Variants in RGCC observed in about 807,000 individuals in gnomAD.
The protein encoded by RGCC is regulator of cell cycle RGCC.
Under a neutral mutation model 15.4 loss-of-function variants are expected in RGCC, and 15 were observed. That is an observed-to-expected ratio of 0.97 (90% CI 0.65 to 1.50). RGCC has a LOEUF of 1.50. Among genes scored for constraint, RGCC ranks in the 40% most tolerant of loss-of-function variants. The pLI, the probability that RGCC is intolerant of heterozygous loss-of-function variation, is 0.00. For missense variants in RGCC, 176 were observed against 189.7 expected, an observed-to-expected ratio of 0.93 and a Z score of 0.42; for synonymous variants, 81 against 78.0, an observed-to-expected ratio of 1.04 and a Z score of -0.20.
rs879196319 is a variant in RGCC, at chr13:41,466,749, C to T, written c.236-74C>T. ...ATTTTGAAGACAAATTGTTGGTTAT[C>T]AATAGACTATAAAGTGCTAAGTCTA... On this transcript the variant is annotated intron_variant, in intron 2 of 4. Coordinates refer to ENST00000379359, the MANE Select transcript of RGCC (RefSeq NM_014059.3). 7.7e-6 allele frequency: 8 copies of T among 1,042,236 alleles called. No individual in the cohort carries two copies. In the South Asian group the frequency reaches 9.4e-5, roughly 12 times the overall value. 64.6% of individuals were successfully genotyped at this position (1,042,236 alleles called of 1,614,324 possible). A position where few individuals can be genotyped will look rare whatever the true frequency, so the allele number is the denominator to read the frequency against.
chr13:41,463,527 G>A (rs184238937), intron 2 of RGCC, among the ~76,000 whole-genome samples: 1 of 148,906 alleles, frequency 6.7e-6, no homozygotes, highest in African/African-American at 2.5e-5. Context: ...GGGCGGGCAG[G>A]AGGAAGTGAG....
chr13:41,463,501 G>A (rs1254639032), intron 2 of RGCC, among the ~76,000 whole-genome samples: 2 of 138,642 alleles, frequency 1.4e-5, no homozygotes, highest in African/African-American at 5.4e-5. Flanking sequence ...GTGTGTGTGT[G>A]TGGTGGGCAG....
intron 3 of RGCC, among the ~76,000 whole-genome samples, chr13:41,467,139 G>C (rs2043853294): frequency 6.6e-6 from 1 of 152,080 alleles, no homozygotes; most frequent in Admixed American, 6.6e-5. Flanking sequence ...AGATAATTTG[G>C]GGCAGAAAAC....
intron 2 of RGCC, among the ~76,000 whole-genome samples, chr13:41,460,756 A>G (rs1227963974): frequency 6.6e-6 from 1 of 152,218 alleles, no homozygotes; most frequent in Non-Finnish European, 1.5e-5. Context: ...TCTGTTGAAT[A>G]CTTTCAAAAT....
chr13:41,460,577 T>A (rs894514789), intron 2 of RGCC, among the ~76,000 whole-genome samples: 24 of 152,350 alleles, frequency 1.6e-4, no homozygotes, highest in African/African-American at 5.3e-4. Flanking sequence ...TGTTTGTCAA[T>A]GATGGCTGTT....
intron 2 of RGCC, among the ~76,000 whole-genome samples, chr13:41,462,716 T>G (rs1370664173): frequency 2.6e-5 from 4 of 152,222 alleles, no homozygotes; most frequent in African/African-American, 9.6e-5. Flanking sequence ...GCTATTACTT[T>G]TGCAAGGAAT....
Position 41,457,848 on chromosome 13 carries a change from C to A in RGCC, c.49+92C>A, listed in dbSNP as rs1321078605. Reference sequence around the variant, plus strand: ...CCCCGTGTCGTCCCTTCACACCCCCCACCCTTCCATCCTCCCCGGCGGGAA... The same window carrying A: ...CCCCGTGTCGTCCCTTCACACCCCCAACCCTTCCATCCTCCCCGGCGGGAA... On this transcript the variant is annotated intron_variant, in intron 1 of 4. Coordinates refer to ENST00000379359, the MANE Select transcript of RGCC (RefSeq NM_014059.3). This position sits in a 1 kb window ranked among gnomAD's most constrained non-coding sequence, Gnocchi z 4.9. 21 of 1,342,200 alleles carry A rather than the reference C, an allele frequency of 1.6e-5. No individual in the cohort carries two copies. The highest frequency in any genetic ancestry group is 3.9e-5 in the Admixed American group (1 of 25,410). The allele number at this position is 1,342,200 out of a possible 1,614,324, so 83.1% of individuals were successfully genotyped here. A position where few individuals can be genotyped will look rare whatever the true frequency, so the allele number is the denominator to read the frequency against.
At chr13:41,462,924 G>A (rs892007089) in intron 2 of RGCC, among the ~76,000 whole-genome samples, 4 of 152,170 alleles carry the variant, frequency 2.6e-5, no homozygotes, top group African/African-American at 9.7e-5. Flanking sequence ...GTTCTAGGAT[G>A]CCACTGAAGA....
chr13:41,460,527 A>G (rs2139573442), intron 2 of RGCC, among the ~76,000 whole-genome samples: 1 of 152,358 alleles, frequency 6.6e-6, no homozygotes, highest in Non-Finnish European at 1.5e-5. Flanking sequence ...CCATGTCTTC[A>G]CGAATAGACT....
chr13:41,466,179 T>TCA (rs199905233), intron 2 of RGCC, among the ~76,000 whole-genome samples: 4 of 99,840 alleles, frequency 4.0e-5, no homozygotes, highest in Non-Finnish European at 1.0e-4. Flanking sequence ...ACACACTTTC[T>TCA]CACACACACA....
At chr13:41,462,981 G>T (rs1354381565) in intron 2 of RGCC, among the ~76,000 whole-genome samples, 1 of 152,174 alleles carries the variant, frequency 6.6e-6, no homozygotes, top group Admixed American at 6.5e-5. Flanking sequence ...GAAGAGGGAG[G>T]ATCTTGATTC....
intron 2 of RGCC, among the ~76,000 whole-genome samples, chr13:41,464,432 C>T (rs2043837644): frequency 6.6e-6 from 1 of 152,092 alleles, no homozygotes; most frequent in Non-Finnish European, 1.5e-5. Flanking sequence ...GAAAGGGCTT[C>T]CCTTGGGAGA....
chr13:41,466,237 TCACA>T (rs1004729327), intron 2 of RGCC, among the ~76,000 whole-genome samples: 12 of 148,706 alleles, frequency 8.1e-5, no homozygotes, highest in Admixed American at 4.7e-4. Context: ...ACACATATTC[TCACA>T]CACACCCACA....
Position 41,457,593 on chromosome 13 carries a change from A to T in RGCC, c.-115A>T. The T allele has an allele frequency of 7.0e-7, 1 of 1,422,242 alleles. No individual in the cohort carries two copies. Among genetic ancestry groups the T allele is most frequent in the South Asian group, 1.4e-5 (1 of 69,940 alleles). The allele number at this position is 1,422,242 out of a possible 1,614,324, so 88.1% of individuals were successfully genotyped here. ...GCTGGGAGCGGCGCGGCTGGAGCGC[A>T]GCGCCGAAGGGACTGGCAGGGCTGA... On this transcript the variant is annotated 5_prime_UTR_variant, in exon 1 of 5. Transcript: ENST00000379359. The surrounding 1 kb of genome is among the most constrained non-coding windows in gnomAD (Gnocchi z 4.9).
intron 3 of RGCC, 82 bp from the exon 4 acceptor site, chr13:41,468,694 A>G: frequency 9.6e-7 from 1 of 1,046,314 alleles, no homozygotes; most frequent in Non-Finnish European, 1.4e-6. Context: ...CTTCCTGGAA[A>G]ACTCAATATG....
chr13:41,467,965 A>G (rs1400308936), intron 3 of RGCC, among the ~76,000 whole-genome samples: 3 of 152,244 alleles, frequency 2.0e-5, no homozygotes, highest in Non-Finnish European at 4.4e-5. Context: ...AGCAGGTGTT[A>G]ATTAATAAAA....
chr13:41,463,765 A>G (rs1433762214), intron 2 of RGCC, among the ~76,000 whole-genome samples: 1 of 152,172 alleles, frequency 6.6e-6, no homozygotes, highest in Non-Finnish European at 1.5e-5. Context: ...CATTCTCTAC[A>G]GATTCTCTCC....
intron 2 of RGCC, among the ~76,000 whole-genome samples, chr13:41,463,033 A>G (rs148461311): frequency 7.2e-5 from 11 of 152,320 alleles, no homozygotes; most frequent in African/African-American, 2.4e-4. Context: ...CAGGAGTGCT[A>G]TTCTGCACTT....
At chr13:41,468,035 A>T (rs568900424) in intron 3 of RGCC, among the ~76,000 whole-genome samples, 2 of 152,294 alleles carry the variant, frequency 1.3e-5, no homozygotes, top group South Asian at 4.2e-4. Context: ...ACAAAAATAA[A>T]GTCAGCTATA....
Sources: gnomAD v4.1 joint callset for allele counts (sites outside exome capture counted in the v4.1 genomes callset) on GRCh38, gnomAD v4.1.1 for gene constraint, Gnocchi (gnomAD v3.1) non-coding constraint, MANE v1.5 for transcripts, NCBI Gene and HGNC (gene_info 2026-07-23, HGNC 2026-07-21) for gene names.